TF: variants seen among roughly 807,000 people sequenced by gnomAD.
The protein encoded by TF is transferrin.
TF carries 55 observed loss-of-function variants against 82.4 expected under a neutral mutation model. The observed-to-expected ratio is 0.67, with a 90% CI of 0.54 to 0.84. The LOEUF (loss-of-function observed/expected upper bound fraction) is 0.84. Among genes scored for constraint, TF ranks in the 40% least tolerant of loss-of-function variants. TF has a pLI of 0.00. For missense variants in TF, 737 were observed against 868.4 expected, an observed-to-expected ratio of 0.85 and a Z score of 1.90; for synonymous variants, 332 against 332.6, an observed-to-expected ratio of 1.00 and a Z score of 0.02.
At chr3:133,734,128 A>G in the TF span, among the ~76,000 whole-genome samples, 1 of 152,184 alleles carries the variant, frequency 6.6e-6, no homozygotes. Context: ...TTGAGGGATC[A>G]GTGTGAACTC....
intron 13 of TF, among the ~76,000 whole-genome samples, chr3:133,768,736 A>G (rs1000097910): frequency 6.8e-6 from 1 of 146,634 alleles, no homozygotes; most frequent in Middle Eastern, 3.7e-3. Flanking sequence ...ATTGTACTTT[A>G]TGGAGTGCCT....
chr3:133,733,446 G>T, the TF span, among the ~76,000 whole-genome samples: 1 of 152,224 alleles, frequency 6.6e-6, no homozygotes, highest in East Asian at 1.9e-4. Flanking sequence ...CTGCACACCT[G>T]CCTTTGATCA....
At chr3:133,702,289 T>A in the TF span, among the ~76,000 whole-genome samples, 11 of 149,474 alleles carry the variant, frequency 7.4e-5, no homozygotes, top group Non-Finnish European at 1.5e-4. Context: ...GCTGGACTCC[T>A]GGGGGGCTCA....
At chr3:133,677,595 G>A in the TF span, among the ~76,000 whole-genome samples, 198 of 152,234 alleles carry the variant, frequency 1.3e-3, no homozygotes, top group African/African-American at 4.4e-3. Flanking sequence ...TCAAGATTGC[G>A]CCACTGCACT....
chr3:133,732,824 CATT>C, the TF span, among the ~76,000 whole-genome samples: 58,283 of 151,804 alleles, frequency 0.38, 11,721 homozygotes, highest in South Asian at 0.5. Flanking sequence ...ATTCCGGACA[CATT>C]ATGATCCTCA....
the TF span, chr3:133,688,215 A>C: frequency 6.5e-6 from 1 of 154,386 alleles, no homozygotes; most frequent in African/African-American, 2.4e-5. Flanking sequence ...TGCTCCTGAG[A>C]AAACTGGAAG....
At position 133,764,231 on chromosome 3, in the gene TF, C is replaced by G. The variant is rs528479181; in HGVS notation, c.1253C>G (p.Ala418Gly). 1 of 1,613,868 alleles carries G rather than the reference C, an allele frequency of 6.2e-7. No individual in the cohort carries two copies. The highest frequency in any genetic ancestry group is 8.5e-7 in the Non-Finnish European group (1 of 1,179,832). ...MSLDGGFVYI[A>G]GKCGLVPVLA... ...TTGGATGGAGGGTTTGTCTACATAG[C>G]GGGCAAGTGTGGTCTGGTGCCTGTC... is the stretch of plus-strand genomic sequence containing the variant. The change falls in exon 10 of 17, where the codon GCG becomes GGG. Residue 418 changes from alanine (A) to glycine (G), a missense_variant. Coordinates refer to ENST00000402696, the MANE Select transcript of TF (RefSeq NM_001063.4).
chr3:133,728,882 C>T, the TF span, among the ~76,000 whole-genome samples: 4 of 152,322 alleles, frequency 2.6e-5, no homozygotes, highest in African/African-American at 4.8e-5. Flanking sequence ...AGACAGGACC[C>T]TCAGCTGCAG....
the TF span, among the ~76,000 whole-genome samples, chr3:133,711,168 T>A: frequency 2.0e-5 from 3 of 152,156 alleles, no homozygotes; most frequent in Admixed American, 1.3e-4. Context: ...TTTTTCCCAA[T>A]CTCAACGGAA....
At chr3:133,705,820 G>T in the TF span, among the ~76,000 whole-genome samples, 1 of 152,214 alleles carries the variant, frequency 6.6e-6, no homozygotes, top group Non-Finnish European at 1.5e-5. Flanking sequence ...AAGGCCCATT[G>T]TTGGGGAGAG....
chr3:133,683,350 A>G, the TF span, among the ~76,000 whole-genome samples: 1 of 152,234 alleles, frequency 6.6e-6, no homozygotes, highest in Non-Finnish European at 1.5e-5. Flanking sequence ...TTCACACATA[A>G]CAATATGAAC....
At chr3:133,770,742 G>A in intron 14 of TF, 170 bp downstream of exon 14, 2 of 811,602 alleles carry the variant, frequency 2.5e-6, no homozygotes, top group South Asian at 3.1e-5. Flanking sequence ...TGAGTGCGCA[G>A]AATGATCAGG....
At chr3:133,664,219 A>G in the TF span, among the ~76,000 whole-genome samples, 1 of 152,220 alleles carries the variant, frequency 6.6e-6, no homozygotes, top group Admixed American at 6.5e-5. Flanking sequence ...AAAGGGTGAA[A>G]TGGTTAGTAT....
the TF span, among the ~76,000 whole-genome samples, chr3:133,687,258 T>C: frequency 6.6e-6 from 1 of 152,130 alleles, no homozygotes; most frequent in Non-Finnish European, 1.5e-5. Context: ...GATGAGTTAG[T>C]TGGTGCAGCA....
the TF span, among the ~76,000 whole-genome samples, chr3:133,694,850 TTTTATTTATTTATTTATTTA>T: frequency 7.5e-5 from 11 of 147,032 alleles, 1 homozygote; most frequent in East Asian, 2.0e-4. Flanking sequence ...AAGCCTTTAG[TTTTATTTATTTATTTATTTA>T]TTTATTTATT....
At chr3:133,752,936 A>G (rs1933717131) in intron 2 of TF, among the ~76,000 whole-genome samples, 1 of 152,220 alleles carries the variant, frequency 6.6e-6, no homozygotes, top group South Asian at 2.1e-4. Flanking sequence ...CTAAACCCAG[A>G]GAAAGTGCCC....
chr3:133,681,248 C>T, the TF span, among the ~76,000 whole-genome samples: 1 of 152,218 alleles, frequency 6.6e-6, no homozygotes, highest in Non-Finnish European at 1.5e-5. Context: ...ATAGGAACAG[C>T]TCCAGTCTAC....
chr3:133,752,248 A>G (rs1364618649), intron 2 of TF, among the ~76,000 whole-genome samples: 1 of 151,878 alleles, frequency 6.6e-6, no homozygotes, highest in Non-Finnish European at 1.5e-5. Flanking sequence ...ATGTGCCACC[A>G]AGCCCAGCTA....
At chr3:133,754,762 A>T (rs1054703307) in intron 4 of TF, 91 bp downstream of exon 4, 6 of 1,397,244 alleles carry the variant, frequency 4.3e-6, no homozygotes. Context: ...ATCAGCAGAC[A>T]TGTGGGATGA....
Sources: allele counts gnomAD v4.1 joint callset (sites outside exome capture counted in the v4.1 genomes callset), GRCh38; gene constraint gnomAD v4.1.1; transcripts MANE v1.5; gene names NCBI Gene and HGNC (gene_info 2026-07-23, HGNC 2026-07-21).